PRDM16: variants seen among roughly 807,000 people sequenced by gnomAD.
PRDM16 encodes histone-lysine N-methyltransferase PRDM16.
PRDM16 carries 23 observed loss-of-function variants against 110.6 expected under a neutral mutation model. The ratio of observed to expected loss-of-function variants is 0.21; its 90% confidence interval spans 0.15 to 0.29. The LOEUF is 0.29. Ranked by LOEUF, PRDM16 falls within the 10% of genes least tolerant of loss-of-function variation. PRDM16 has a pLI of 1.00. For missense variants in PRDM16, 1,615 were observed against 1,794.3 expected, an observed-to-expected ratio of 0.90 and a Z score of 1.81; for synonymous variants, 799 against 781.8, an observed-to-expected ratio of 1.02 and a Z score of -0.37.
At chr1:3,085,870 C>A (rs1352428633) in intron 1 of PRDM16, among the ~76,000 whole-genome samples, 1 of 152,246 alleles carries the variant, frequency 6.6e-6, no homozygotes, top group Non-Finnish European at 1.5e-5. Context: ...CCCACCCAGG[C>A]CTTGTCTCCC....
chr1:3,325,537 C>T (rs1028974750), intron 3 of PRDM16, among the ~76,000 whole-genome samples: 5 of 152,356 alleles, frequency 3.3e-5, no homozygotes, highest in East Asian at 1.9e-4. Flanking sequence ...CTGGGCGGCT[C>T]TCAGGGACTG....
intron 2 of PRDM16, among the ~76,000 whole-genome samples, chr1:3,232,648 G>A (rs1639443966): frequency 6.6e-6 from 1 of 152,178 alleles, no homozygotes; most frequent in African/African-American, 2.4e-5. Context: ...GAAGGGCCAA[G>A]GGGGGTAGTG....
At position 3,166,220 on chromosome 1, in the gene PRDM16, T is replaced by G. The variant is rs115359242; in HGVS notation, c.38-19905T>G. Among the ~76,000 whole-genome samples, 575 of 152,324 alleles carry G rather than the reference T, an allele frequency of 3.8e-3. 3 individuals are homozygous for G. The highest frequency in any genetic ancestry group is 0.013 in the African/African-American group (535 of 41,572). ...CTTTTGCTTAGCAGAGAAAATCAAATGGATGCAAGCAAATAATGAGAAACA... is the reference window on the plus strand; with the variant it reads ...CTTTTGCTTAGCAGAGAAAATCAAAGGGATGCAAGCAAATAATGAGAAACA... On this transcript the variant is annotated intron_variant, in intron 1 of 16. Transcript: ENST00000270722.
chr1:3,103,585 G>A (rs1357746769), intron 1 of PRDM16, among the ~76,000 whole-genome samples: 3 of 152,224 alleles, frequency 2.0e-5, no homozygotes, highest in Non-Finnish European at 4.4e-5. Context: ...CAGCCCCTGA[G>A]GGGTGGTGCA....
chr1:3,093,203 G>A (rs1642316448), intron 1 of PRDM16, among the ~76,000 whole-genome samples: 1 of 152,186 alleles, frequency 6.6e-6, no homozygotes, highest in Admixed American at 6.5e-5. Context: ...GCTGATGTCA[G>A]GAGAGCCCAG....
intron 10 of PRDM16, among the ~76,000 whole-genome samples, chr1:3,415,057 C>T (rs887882235): frequency 2.6e-5 from 4 of 152,158 alleles, no homozygotes; most frequent in Admixed American, 6.5e-5. Flanking sequence ...TCAAATGGAC[C>T]GGAAGAGAGG....
intron 2 of PRDM16, among the ~76,000 whole-genome samples, chr1:3,194,380 TG>T (rs1024947181): frequency 2.6e-5 from 4 of 152,136 alleles, no homozygotes; most frequent in African/African-American, 9.7e-5. Context: ...TGGCCTGCTG[TG>T]GGGGCAGCCG....
At chr1:3,429,429 G>A (rs921243224) in intron 14 of PRDM16, among the ~76,000 whole-genome samples, 5 of 152,250 alleles carry the variant, frequency 3.3e-5, no homozygotes, top group African/African-American at 7.2e-5. Context: ...GGAAGCCCAT[G>A]CAAACCCACG....
chr1:3,345,185 G>A (rs1402363605), intron 3 of PRDM16, among the ~76,000 whole-genome samples: 1 of 152,216 alleles, frequency 6.6e-6, no homozygotes, highest in Non-Finnish European at 1.5e-5. Context: ...GAGGACAGTG[G>A]CCCTCACAGT....
chr1:3,269,615 GCACAGTCCCA>G (rs1381334685), intron 3 of PRDM16, among the ~76,000 whole-genome samples: 1 of 86,406 alleles, frequency 1.2e-5, no homozygotes, highest in African/African-American at 1.2e-4. Context: ...TCCCAGAGGA[GCACAGTCCCA>G]GAGGAGCACA....
At chr1:3,149,249 A>G (rs1274436604) in intron 1 of PRDM16, among the ~76,000 whole-genome samples, 3 of 152,150 alleles carry the variant, frequency 2.0e-5, no homozygotes, top group Non-Finnish European at 4.4e-5. Context: ...CACGGGTGAG[A>G]ATGAAAGCCC....
intron 3 of PRDM16, among the ~76,000 whole-genome samples, chr1:3,277,458 C>T (rs1297125672): frequency 1.3e-5 from 2 of 152,250 alleles, no homozygotes; most frequent in Non-Finnish European, 2.9e-5. Flanking sequence ...TCAGGCCTCT[C>T]CTCACCACAG....
chr1:3,079,655 G>C (rs1466726008), intron 1 of PRDM16, among the ~76,000 whole-genome samples: 1 of 152,202 alleles, frequency 6.6e-6, no homozygotes, highest in African/African-American at 2.4e-5. Flanking sequence ...TGAACTACTT[G>C]AAAACCAGAG....
chr1:3,267,088 T>A (rs564024678), intron 3 of PRDM16, among the ~76,000 whole-genome samples: 3 of 152,266 alleles, frequency 2.0e-5, no homozygotes, highest in Non-Finnish European at 4.4e-5. Flanking sequence ...TCTAGTACAT[T>A]CGGTATTTTG....
chr1:3,070,422 C>T (rs1442541520), intron 1 of PRDM16, among the ~76,000 whole-genome samples: 4 of 147,890 alleles, frequency 2.7e-5, no homozygotes, highest in African/African-American at 7.3e-5. Flanking sequence ...GGAGCCGCGG[C>T]CCGGCCAGCG....
Position 3,319,197 on chromosome 1 carries a change from G to C in PRDM16, c.439-65955G>C, listed in dbSNP as rs140564824. On this transcript the variant is annotated intron_variant, in intron 3 of 16. Transcript: ENST00000270722. ...CAAAGGGTACAGCCCAGGGCTCCCT[G>C]CTGCCCGGCAGGGATGGGGAGCTAG... is the stretch of plus-strand genomic sequence containing the variant. 5.8e-3 allele frequency among the ~76,000 whole-genome samples: 879 copies of C among 152,328 alleles called. 10 individuals carry two copies. Among genetic ancestry groups the C allele is most frequent in the African/African-American group, 0.02 (817 of 41,580 alleles).
chr1:3,275,106 A>C (rs972203950), intron 3 of PRDM16, among the ~76,000 whole-genome samples: 2 of 152,236 alleles, frequency 1.3e-5, no homozygotes, highest in Non-Finnish European at 2.9e-5. Context: ...CGCTTAGGTG[A>C]AATGTGCCGC....
intron 1 of PRDM16, among the ~76,000 whole-genome samples, chr1:3,103,862 C>T (rs1329812485): frequency 6.6e-6 from 1 of 152,156 alleles, no homozygotes; most frequent in African/African-American, 2.4e-5. Flanking sequence ...TTGCATACGG[C>T]TACTTAACAT....
At chr1:3,116,751 C>G (rs1642971210) in intron 1 of PRDM16, among the ~76,000 whole-genome samples, 1 of 152,240 alleles carries the variant, frequency 6.6e-6, no homozygotes, top group Non-Finnish European at 1.5e-5. Flanking sequence ...TCTTGCAGCC[C>G]TGAAGCCCTC....
Sources: gnomAD v4.1 joint callset for allele counts (sites outside exome capture counted in the v4.1 genomes callset) on GRCh38, gnomAD v4.1.1 for gene constraint, MANE v1.5 for transcripts, NCBI Gene and HGNC (gene_info 2026-07-23, HGNC 2026-07-21) for gene names.